The following SIK3 variants were observed in gnomAD, a reference collection of about 807,000 sequenced individuals.
SIK3 encodes SIK family kinase 3, also known as serine/threonine-protein kinase SIK3.
In SIK3, 28 loss-of-function variants were observed where a neutral mutation model predicts 144.2. That is an observed-to-expected ratio of 0.19 (90% CI 0.14 to 0.27). The LOEUF (loss-of-function observed/expected upper bound fraction) is 0.27, where lower values mean the gene tolerates loss of function less well. Among genes scored for constraint, SIK3 ranks in the 10% least tolerant of loss-of-function variants. SIK3 has a pLI of 1.00. For missense variants in SIK3, 1,319 were observed against 1,776.0 expected (o/e 0.74, Z 4.62); for synonymous variants, 686 against 676.3 (o/e 1.01, Z -0.22).
chr11:117,080,483 G>A (rs1482449071), intron 1 of SIK3, among the ~76,000 whole-genome samples: 3 of 152,018 alleles, frequency 2.0e-5, no homozygotes, highest in East Asian at 1.9e-4. Context: ...CTTTTGAGAC[G>A]TTGACTCTAG....
chr11:117,074,349 C>A (rs1954409886), intron 1 of SIK3, among the ~76,000 whole-genome samples: 1 of 152,166 alleles, frequency 6.6e-6, no homozygotes, highest in African/African-American at 2.4e-5. Flanking sequence ...CCTACAGCCC[C>A]ACAACAGTAT....
chr11:116,895,124 C>T (rs150908518), intron 6 of SIK3, among the ~76,000 whole-genome samples: 31 of 152,130 alleles, frequency 2.0e-4, no homozygotes, highest in African/African-American at 6.8e-4. Flanking sequence ...AATTAAGCTC[C>T]CTCTTACCTC....
Position 117,084,297 on chromosome 11 carries a change from C to G in SIK3, c.273+13846G>C, listed in dbSNP as rs1954914529. 1.3e-5 allele frequency among the ~76,000 whole-genome samples: 2 copies of G among 152,144 alleles called. 1 individual carries two copies. The highest frequency in any genetic ancestry group is 4.1e-4 in the South Asian group (2 of 4,834). ...TTGGTTTGTTTGAGATGGAGTCTCG[C>G]TCTGTGGCCCAGGCTGCAGTACAGT... On this transcript the variant is annotated intron_variant, in intron 1 of 24. Coordinates refer to ENST00000445177, the MANE Select transcript of SIK3 (RefSeq NM_001366686.3).
chr11:116,887,518 G>A (rs1219028987), intron 6 of SIK3, among the ~76,000 whole-genome samples: 1 of 151,502 alleles, frequency 6.6e-6, no homozygotes, highest in African/African-American at 2.4e-5. Flanking sequence ...CCAGGAGGCT[G>A]AGGCAAGAGA....
chr11:116,896,478 T>A, intron 5 of SIK3, 102 bp from the exon 6 acceptor site: 1 of 1,273,308 alleles, frequency 7.9e-7, no homozygotes. Context: ...ATGCATACGA[T>A]TATGGAACAA....
At chr11:116,933,426 A>G (rs1000506777) in intron 3 of SIK3, among the ~76,000 whole-genome samples, 1 of 152,214 alleles carries the variant, frequency 6.6e-6, no homozygotes, top group Non-Finnish European at 1.5e-5. Flanking sequence ...GGCGTGAGCC[A>G]CTGCACCTGG....
chr11:116,868,007 G>C lies in SIK3; in HGVS notation c.1891C>G (p.Leu631Val), dbSNP rs1161831044. The change falls in exon 15 of 25, where the codon CTA becomes GTA. Residue 631 changes from leucine to valine, a missense_variant. By Grantham distance (32) the Leu-to-Val change is conservative. This residue lies in a region of SIK3 where 167 missense variants were observed against 263.3 expected (regional missense o/e 0.63). Transcript: ENST00000445177. ...CGGGAACGGAAAGGCTGCTGTCCTA[G>C]CTGCCGTTGTAGGTCCGGTGGGATC... ...AEIPPDLQRQ[L>V]GQQPFRSRVW... 6.4e-7 allele frequency: 1 copy of C among 1,550,514 alleles called. No homozygotes were observed. Among genetic ancestry groups the C allele is most frequent in the Non-Finnish European group, 8.7e-7 (1 of 1,147,006 alleles).
At chr11:117,024,254 G>C (rs899249662) in intron 1 of SIK3, among the ~76,000 whole-genome samples, 3 of 149,422 alleles carry the variant, frequency 2.0e-5, no homozygotes. Context: ...ACTTTTGTCA[G>C]TTGATTTTCA....
intron 1 of SIK3, among the ~76,000 whole-genome samples, chr11:117,067,744 TGA>T (rs1954082022): frequency 6.6e-6 from 1 of 152,142 alleles, no homozygotes; most frequent in South Asian, 2.1e-4. Context: ...CCCAGCACTT[TGA>T]GAGGCCAAGG....
At position 116,859,364 on chromosome 11, in the gene SIK3, T is replaced by C. The variant is rs1231056955; in HGVS notation, c.2666A>G (p.Gln889Arg). ...GTTGGTACGGTGCTGCATCTGCATCTGACCAGCACTGGGGCTGATGGAGAT... is the reference window on the plus strand; with the variant it reads ...GTTGGTACGGTGCTGCATCTGCATCCGACCAGCACTGGGGCTGATGGAGAT... The part of the protein sequence containing the change: ...RGISISPSAG[Q>R]MQMQHRTNLM... Residue 889 changes from glutamine (Q) to arginine (R), a missense_variant, in exon 20 of 25, where the codon CAG (glutamine) becomes CGG (arginine). Around this residue, in one of 8 missense-constraint regions of SIK3, gnomAD observed 646 missense variants for 763.7 expected, o/e 0.85. Transcript: ENST00000445177. 1 of 1,614,214 alleles carries C rather than the reference T, an allele frequency of 6.2e-7. No homozygotes were observed. Among genetic ancestry groups the C allele is most frequent in the African/African-American group, 1.3e-5 (1 of 75,062 alleles).
At chr11:117,090,036 T>G (rs1955175204) in intron 1 of SIK3, among the ~76,000 whole-genome samples, 1 of 152,246 alleles carries the variant, frequency 6.6e-6, no homozygotes, top group South Asian at 2.1e-4. Flanking sequence ...GCTTCCGCAA[T>G]TCTATTCTGA....
Position 116,927,268 on chromosome 11 carries a change from T to TA in SIK3, c.566dup (p.Leu189PhefsTer4). 1 of 1,614,092 alleles carries TA rather than the reference T, an allele frequency of 6.2e-7. No individual in the cohort carries two copies. Among genetic ancestry groups the TA allele is most frequent in the Non-Finnish European group, 8.5e-7 (1 of 1,179,950 alleles). ...CATCCAGAAGTAAATTTTCAGCTTTTAAATCACGATGAACAATGTTCCGAC... is the reference window on the plus strand; with the variant it reads ...CATCCAGAAGTAAATTTTCAGCTTTTAAAATCACGATGAACAATGTTCCGAC... On this transcript the variant is annotated frameshift_variant, in exon 4 of 25. Transcript: ENST00000445177. LOFTEE classifies it high-confidence loss of function.
At chr11:116,874,109 T>C (rs1944118271) in intron 11 of SIK3, 53 bp from the exon 12 acceptor site, 1 of 1,587,088 alleles carries the variant, frequency 6.3e-7, no homozygotes, top group Non-Finnish European at 8.6e-7. Flanking sequence ...TACTCAAAAG[T>C]GCTTATATCC....
chr11:117,005,139 CAG>C (rs1950993370), intron 1 of SIK3, among the ~76,000 whole-genome samples: 1 of 151,552 alleles, frequency 6.6e-6, no homozygotes. Flanking sequence ...ATATAATACT[CAG>C]AATATAAAAA....
chr11:117,069,460 G>A (rs1414596237), intron 1 of SIK3, among the ~76,000 whole-genome samples: 1 of 152,056 alleles, frequency 6.6e-6, no homozygotes, highest in Non-Finnish European at 1.5e-5. Flanking sequence ...CCCATCTGAA[G>A]AGAATAATTC....
intron 1 of SIK3, among the ~76,000 whole-genome samples, chr11:117,071,264 A>G (rs1954268882): frequency 6.6e-6 from 1 of 152,032 alleles, no homozygotes; most frequent in South Asian, 2.1e-4. Context: ...ATATTTAAAC[A>G]ATTAGCCCAC....
chr11:117,098,133 G>A lies in SIK3; in HGVS notation c.273+10C>T. 4 of 1,478,934 alleles carry A rather than the reference G, an allele frequency of 2.7e-6. No homozygotes were observed. The South Asian group carries it at 3.6e-5, about 13-fold the overall frequency. 91.6% of individuals were successfully genotyped at this position (1,478,934 alleles called of 1,614,324 possible). On this transcript the variant is annotated intron_variant, in intron 1 of 24. Transcript: ENST00000445177. Reference sequence around the variant, plus strand: ...ACGCTCCGACTGCCGCCTGGCCCCTGCGCCGGTACCTTGGCCTTGGTGACG... The same window carrying A: ...ACGCTCCGACTGCCGCCTGGCCCCTACGCCGGTACCTTGGCCTTGGTGACG...
intron 1 of SIK3, among the ~76,000 whole-genome samples, chr11:117,008,576 G>A (rs1300985817): frequency 1.3e-5 from 2 of 152,130 alleles, no homozygotes; most frequent in Non-Finnish European, 2.9e-5. Context: ...ATGTATATTT[G>A]ATTAAAAGCT....
intron 1 of SIK3, among the ~76,000 whole-genome samples, chr11:117,056,318 T>A (rs1176258569): frequency 6.6e-6 from 1 of 152,014 alleles, no homozygotes; most frequent in Non-Finnish European, 1.5e-5. Context: ...AGGTGGGAAC[T>A]GAACAATGAG....
Sources: gnomAD v4.1 joint callset for allele counts (sites outside exome capture counted in the v4.1 genomes callset) on GRCh38, gnomAD v4.1.1 for gene constraint, gnomAD v4.1.1 regional missense constraint, MANE v1.5 for transcripts, NCBI Gene and HGNC (gene_info 2026-07-23, HGNC 2026-07-21) for gene names.